Variants in FSD2 observed in about 807,000 individuals in gnomAD.
FSD2 encodes fibronectin type III and SPRY domain-containing protein 2.
In FSD2, 71 loss-of-function variants were observed where a neutral mutation model predicts 80.4. That is an observed-to-expected ratio of 0.88 (90% CI 0.73 to 1.08). The LOEUF is 1.08. Ranked by LOEUF, FSD2 falls within the 50% of genes least tolerant of loss-of-function variation. The pLI is 0.00. For synonymous variants in FSD2, 361 were observed against 329.5 expected, an observed-to-expected ratio of 1.10 and a Z score of -1.03; for missense variants, 923 against 913.8, an observed-to-expected ratio of 1.01 and a Z score of -0.13.
At position 82,759,480 on chromosome 15, in the gene FSD2, G is replaced by A; in HGVS notation, c.2118C>T (p.Asp706=). 1 of 1,613,354 alleles carries A rather than the reference G, an allele frequency of 6.2e-7. No homozygotes were observed. The highest frequency in any genetic ancestry group is 8.5e-7 in the Non-Finnish European group (1 of 1,179,600). Residue 706 remains aspartate (D), a synonymous_variant, in exon 13 of 13, where the codon GAC becomes GAT. Coordinates refer to ENST00000334574, the MANE Select transcript of FSD2 (RefSeq NM_001007122.4). ...TAAATGTATATAGATGCTGAGAAAG[G>A]TCCACATTGAAAAATGACAACTTTG... is the stretch of plus-strand genomic sequence containing the variant. ...EHSKLSFFNV[D]LSQHLYTFSC...
intron 6 of FSD2, 126 bp downstream of exon 6, chr15:82,778,640 A>G (rs2049778530): frequency 2.8e-6 from 3 of 1,055,876 alleles, no homozygotes; most frequent in Non-Finnish European, 4.0e-6. Flanking sequence ...TGTATTTAAC[A>G]ATATTGTATT....
At position 82,768,369 on chromosome 15, in the gene FSD2, T is replaced by G. The variant is rs548720700; in HGVS notation, c.1553+511A>C. 3.3e-5 allele frequency among the ~76,000 whole-genome samples: 5 copies of G among 152,352 alleles called. No individual in the cohort carries two copies. The East Asian group carries it at 7.7e-4, about 23-fold the overall frequency. ...TTTCCCATATGTTCAGGTCTCAGTT[T>G]AAACATCTTCTTTATCCAAAGTGGA... On this transcript the variant is annotated intron_variant, in intron 9 of 12. Coordinates refer to ENST00000334574, the MANE Select transcript of FSD2 (RefSeq NM_001007122.4).
chr15:82,780,001 G>A (rs2049815205), intron 5 of FSD2, among the ~76,000 whole-genome samples: 1 of 152,052 alleles, frequency 6.6e-6, no homozygotes, highest in Non-Finnish European at 1.5e-5. Context: ...GTGGAGGAGA[G>A]CTGCCCACAG....
In FSD2 at chr15:82,769,049, G is replaced by A. The variant is rs779388931; in HGVS notation, c.1403-19C>T. On this transcript the variant is annotated intron_variant, in intron 8 of 12. Transcript: ENST00000334574. ...GAAGGTGCTAAATGTGGGAGAAAGG[G>A]AGAGATGAACAACTGTTGTGTTCAT... 1.9e-6 allele frequency: 3 copies of A among 1,550,042 alleles called. No individual in the cohort carries two copies. Among genetic ancestry groups the A allele is most frequent in the Non-Finnish European group, 2.6e-6 (3 of 1,150,620 alleles).
chr15:82,768,824 T>A, intron 9 of FSD2, 56 bp downstream of exon 9: 1 of 1,352,370 alleles, frequency 7.4e-7, no homozygotes, highest in Non-Finnish European at 9.6e-7. Flanking sequence ...TCCTAAGCCA[T>A]GTCACTGTAT....
chr15:82,800,705 A>AAAAAAAAAG lies in FSD2; in HGVS notation c.-79+5252_-79+5260dup, dbSNP rs2050391573. Among the ~76,000 whole-genome samples, 4 of 150,318 alleles carry AAAAAAAAAG rather than the reference A, an allele frequency of 2.7e-5. 1 individual carries two copies. On this transcript the variant is annotated intron_variant, in intron 1 of 12. Coordinates refer to ENST00000334574, the MANE Select transcript of FSD2 (RefSeq NM_001007122.4). ...AGATTCTGTCTCAAAAAAAAAAAAA[A>AAAAAAAAAG]AAAAAAAAGCCCCTCAGTCAGGCTC...
chr15:82,800,636 G>C (rs1390070685), intron 1 of FSD2, among the ~76,000 whole-genome samples: 5 of 133,040 alleles, frequency 3.8e-5, no homozygotes, highest in African/African-American at 1.4e-4. Context: ...ACGTTGCAGC[G>C]AGCCAAGATC....
intron 6 of FSD2, among the ~76,000 whole-genome samples, chr15:82,776,546 T>C (rs1261289892): frequency 6.6e-6 from 1 of 152,196 alleles, no homozygotes; most frequent in Admixed American, 6.5e-5. Flanking sequence ...GAAAGACTTG[T>C]ATACTGAAAA....
chr15:82,796,558 A>T (rs573165327), intron 1 of FSD2, among the ~76,000 whole-genome samples: 1 of 152,362 alleles, frequency 6.6e-6, no homozygotes, highest in South Asian at 2.1e-4. Flanking sequence ...CTTGACCCTC[A>T]GAAACGATTC....
At chr15:82,803,676 C>T (rs1166927698) in intron 1 of FSD2, among the ~76,000 whole-genome samples, 6 of 152,162 alleles carry the variant, frequency 3.9e-5, no homozygotes, top group East Asian at 1.9e-4. Flanking sequence ...CCACCCCCTC[C>T]AGCACCAAAC....
intron 1 of FSD2, among the ~76,000 whole-genome samples, chr15:82,791,177 T>G (rs2050141466): frequency 6.7e-6 from 1 of 150,074 alleles, no homozygotes; most frequent in African/African-American, 2.5e-5. Context: ...TGTTTGTATT[T>G]TTAGTAGAGA....
At position 82,756,616 on chromosome 15, in the gene FSD2, T is replaced by C. The variant is rs1045810628; in HGVS notation, c.*2732A>G. Reference sequence around the variant, plus strand: ...AAGTCTCAAACCAACTTTCCAATTCTGACTTGTAAGGGTGCCTTAAATCCT... The same window carrying C: ...AAGTCTCAAACCAACTTTCCAATTCCGACTTGTAAGGGTGCCTTAAATCCT... On this transcript the variant is annotated 3_prime_UTR_variant, in exon 13 of 13. Transcript: ENST00000334574. The C allele has an allele frequency of 6.6e-6, 1 of 152,248 alleles. No homozygotes were observed. The highest frequency in any genetic ancestry group is 6.5e-5 in the Admixed American group (1 of 15,292). The allele number at this position is 152,248 out of a possible 1,614,324, so 9.4% of individuals were successfully genotyped here.
chr15:82,777,354 A>G (rs1376277004), intron 6 of FSD2, among the ~76,000 whole-genome samples: 1 of 152,234 alleles, frequency 6.6e-6, no homozygotes, highest in Non-Finnish European at 1.5e-5. Flanking sequence ...AAAAAATAAG[A>G]ATCTTCTACA....
chr15:82,786,383 GA>G, intron 3 of FSD2, 127 bp downstream of exon 3: 3 of 701,506 alleles, frequency 4.3e-6, no homozygotes, highest in Non-Finnish European at 7.4e-6. Context: ...AGGGAGGAGA[GA>G]AGGGGGAGTG....
chr15:82,755,902 G>T lies in FSD2; in HGVS notation c.*3446C>A. ...GATCTTTATTTGAGTATCTTGACTT[G>T]TTAAAGGACAGTGTTTTAAAAGCTG... On this transcript the variant is annotated 3_prime_UTR_variant, in exon 13 of 13. Transcript: ENST00000334574. 1 of 488,182 alleles carries T rather than the reference G, an allele frequency of 2.0e-6. No homozygotes were observed. 30.2% of individuals were successfully genotyped at this position (488,182 alleles called of 1,614,324 possible).
At position 82,772,202 on chromosome 15, in the gene FSD2, G is replaced by A; in HGVS notation, c.1138C>T (p.Gln380Ter). ...GAACCTGTGGCTGAGTTAGGGACCT[G>A]TGGATTTATGACTGGAGCAGAAGGA... The part of the protein sequence containing the change: ...PAPSAPVINP[Q>*]VPNSATGSSV... The change falls in exon 7 of 13, where the codon CAG becomes TAG. Residue 380 changes from glutamine (Q) to a stop codon, truncating the protein, a stop_gained. Transcript: ENST00000334574. LOFTEE classifies it high-confidence loss of function. 1 of 1,612,392 alleles carries A rather than the reference G, an allele frequency of 6.2e-7. No individual in the cohort carries two copies. The highest frequency in any genetic ancestry group is 8.5e-7 in the Non-Finnish European group (1 of 1,179,324).
In FSD2 at chr15:82,787,462, C is replaced by G; in HGVS notation, c.-72G>C. On this transcript the variant is annotated 5_prime_UTR_variant, in exon 2 of 13. Coordinates refer to ENST00000334574, the MANE Select transcript of FSD2 (RefSeq NM_001007122.4). ...TTCCTGGACACTTAATAGTGAATAT[C>G]TGGGCCCTGGAACACAAAAGGAGGA... 1.4e-6 allele frequency: 2 copies of G among 1,434,052 alleles called. No homozygotes were observed. Among genetic ancestry groups the G allele is most frequent in the South Asian group, 2.9e-5 (2 of 69,072 alleles). 88.8% of individuals were successfully genotyped at this position (1,434,052 alleles called of 1,614,324 possible).
intron 1 of FSD2, among the ~76,000 whole-genome samples, chr15:82,788,881 G>A (rs2050072126): frequency 1.3e-5 from 2 of 151,844 alleles, no homozygotes; most frequent in African/African-American, 4.8e-5. Flanking sequence ...AGGTGTGGTG[G>A]TGCATGCCTG....
chr15:82,770,240 C>T (rs963208963), intron 7 of FSD2, among the ~76,000 whole-genome samples: 2 of 152,206 alleles, frequency 1.3e-5, no homozygotes, highest in African/African-American at 2.4e-5. Flanking sequence ...GATGTGAGAC[C>T]GCAGGGAGAG....
Sources: allele counts gnomAD v4.1 joint callset (sites outside exome capture counted in the v4.1 genomes callset), GRCh38; gene constraint gnomAD v4.1.1; transcripts MANE v1.5; gene names NCBI Gene and HGNC (gene_info 2026-07-23, HGNC 2026-07-21).